The following OCRL variants were observed in gnomAD, a reference collection of about 807,000 sequenced individuals.
OCRL encodes the protein OCRL inositol polyphosphate-5-phosphatase, also known as inositol polyphosphate 5-phosphatase OCRL.
OCRL carries 8 observed loss-of-function variants against 78.9 expected under a neutral mutation model. The observed-to-expected ratio is 0.10, with a 90% CI of 0.06 to 0.18. OCRL has a LOEUF of 0.18. OCRL is among the 10% of genes least tolerant of loss of function. The probability of loss-of-function intolerance (pLI) is 1.00; values close to 1 mark genes in which losing one functional copy is unlikely to be tolerated. For missense variants in OCRL, 454 were observed against 696.7 expected (o/e 0.65, Z 3.92); for synonymous variants, 240 against 235.4 (o/e 1.02, Z -0.18).
intron 3 of OCRL, 40 bp downstream of exon 3, chrX:129,545,077 T>C (rs1439003574): frequency 1.4e-6 from 1 of 726,232 alleles, no homozygotes; most frequent in Non-Finnish European, 2.2e-6. Context: ...ATAATGTTTT[T>C]TCTCGGTCAT....
intron 12 of OCRL, among the ~76,000 whole-genome samples, chrX:129,563,001 G>A (rs1357217839): frequency 8.9e-6 from 1 of 111,941 alleles, no homozygotes; most frequent in African/African-American, 3.2e-5. Context: ...TATTAGTGGG[G>A]CACCTAGAAT....
intron 4 of OCRL, among the ~76,000 whole-genome samples, chrX:129,552,852 G>A (rs1935984428): frequency 8.9e-6 from 1 of 112,661 alleles, no homozygotes; most frequent in South Asian, 3.6e-4. Context: ...AAGAGATGAT[G>A]TGATTGTGTG....
chrX:129,559,210 T>G (rs1187465735), intron 8 of OCRL, among the ~76,000 whole-genome samples: 1 of 111,665 alleles, frequency 9.0e-6, no homozygotes, highest in Admixed American at 9.5e-5. Context: ...TTTTCTTTTT[T>G]TGTGTGTGTG....
At position 129,590,153 on chromosome X, in the gene OCRL, C is replaced by T; in HGVS notation, c.2589C>T (p.Leu863=). Residue 863 remains leucine, a synonymous_variant, in exon 24 of 24, where the codon CTC becomes CTT. Coordinates refer to ENST00000371113, the MANE Select transcript of OCRL (RefSeq NM_000276.4). Reference sequence around the variant, plus strand: ...CTTTCTCTCGTCTTGTAGCTACTCTCTTCACTAGTCTTCTCCTGAGGCCTC... The same window carrying T: ...CTTTCTCTCGTCTTGTAGCTACTCTTTTCACTAGTCTTCTCCTGAGGCCTC... The part of the protein sequence containing the change: ...NSVNANMIAT[L]FTSLLLRPPP... 1.7e-6 allele frequency: 2 copies of T among 1,211,480 alleles called. No individual in the cohort carries two copies. Among genetic ancestry groups the T allele is most frequent in the Non-Finnish European group, 2.2e-6 (2 of 895,392 alleles).
At chrX:129,549,074 G>A (rs1034698810) in intron 4 of OCRL, among the ~76,000 whole-genome samples, 1 of 110,466 alleles carries the variant, frequency 9.1e-6, no homozygotes, top group Non-Finnish European at 1.9e-5. Flanking sequence ...AGGCTGAAGA[G>A]TCCCTTAAAT....
chrX:129,562,147 G>A (rs1936154461), intron 10 of OCRL, among the ~76,000 whole-genome samples: 1 of 111,711 alleles, frequency 9.0e-6, no homozygotes, highest in Non-Finnish European at 1.9e-5. Flanking sequence ...AATAGATCTA[G>A]AGCTGAAAGT....
chrX:129,570,016 T>A (rs1203994038), intron 15 of OCRL, among the ~76,000 whole-genome samples: 1 of 110,148 alleles, frequency 9.1e-6, no homozygotes, highest in Non-Finnish European at 1.9e-5. Context: ...GCGAATTTTT[T>A]TTTAACTCTG....
chrX:129,547,412 C>A (rs1488226142), intron 3 of OCRL, among the ~76,000 whole-genome samples: 1 of 107,126 alleles, frequency 9.3e-6, no homozygotes, highest in Non-Finnish European at 1.9e-5. Flanking sequence ...GTAGTCCCAA[C>A]TACTCGGGAG....
chrX:129,589,134 T>C, intron 22 of OCRL, 121 bp downstream of exon 22: 2 of 772,234 alleles, frequency 2.6e-6, no homozygotes, highest in Non-Finnish European at 2.0e-6. Context: ...CTGTTATTAA[T>C]GGCAGGACAC....
At chrX:129,557,280 A>G in intron 4 of OCRL, 45 bp from the exon 5 acceptor site, 3 of 1,078,681 alleles carry the variant, frequency 2.8e-6, no homozygotes, top group South Asian at 3.7e-5. Context: ...CCAGTAAAAC[A>G]TTTTATCCCA....
intron 3 of OCRL, among the ~76,000 whole-genome samples, chrX:129,547,438 T>C (rs1020155962): frequency 9.9e-6 from 1 of 101,521 alleles, no homozygotes; most frequent in African/African-American, 3.7e-5. Flanking sequence ...GGCAGGAGAA[T>C]GGTGTGAACC....
At chrX:129,574,219 C>T (rs1045643504) in intron 15 of OCRL, among the ~76,000 whole-genome samples, 1 of 112,158 alleles carries the variant, frequency 8.9e-6, no homozygotes, top group African/African-American at 3.2e-5. Flanking sequence ...TTTTTAGAAC[C>T]TTTGCTGCAT....
At chrX:129,540,585 G>T in intron 1 of OCRL, 107 bp downstream of exon 1, 1 of 922,022 alleles carries the variant, frequency 1.1e-6, no homozygotes, top group African/African-American at 2.0e-5. Flanking sequence ...CCCAGAGGCC[G>T]AGCAGAGAGG....
intron 10 of OCRL, 70 bp from the exon 11 acceptor site, chrX:129,562,314 C>T (rs940048099): frequency 6.2e-6 from 5 of 812,570 alleles, no homozygotes; most frequent in African/African-American, 4.1e-5. Context: ...GAAAATTAGT[C>T]GTGGGACATT....
intron 4 of OCRL, chrX:129,549,844 T>G (rs369162755): frequency 5.8e-4 from 65 of 112,541 alleles, no homozygotes; most frequent in African/African-American, 2.0e-3. Context: ...ATTAGTTTTG[T>G]TGTGGCCGCT....
Position 129,585,267 on chromosome X carries a change from C to T in OCRL, c.2139+900C>T, listed in dbSNP as rs777654535. 8.9e-5 allele frequency among the ~76,000 whole-genome samples: 10 copies of T among 112,152 alleles called. No individual in the cohort carries two copies. The East Asian group carries it at 2.5e-3, about 28-fold the overall frequency. On this transcript the variant is annotated intron_variant, in intron 19 of 23. Coordinates refer to ENST00000371113, the MANE Select transcript of OCRL (RefSeq NM_000276.4). ...GGATGGTGTATATAATCTACTGACA[C>T]TTTATTAACCTTTTTAAACCACCAA...
At position 129,557,938 on chromosome X, in the gene OCRL, T is replaced by C. The variant is rs1431502624; in HGVS notation, c.427T>C (p.Ser143Pro). 11 of 1,180,765 alleles carry C rather than the reference T, an allele frequency of 9.3e-6. No homozygotes were observed. The highest frequency in any genetic ancestry group is 2.2e-5 in the Admixed American group (1 of 46,028). The change falls in exon 6 of 24, where the codon TCT (serine) becomes CCT (proline). Residue 143 changes from serine to proline, a missense_variant. Ser to Pro is a moderately conservative substitution (Grantham distance 74). This residue lies in a region of OCRL where 177 missense variants were observed against 179.6 expected (regional missense o/e 0.99). Transcript: ENST00000371113. ...YQKLDTKDKP[S>P]VFSGLLGFED... ...GAAATTAGACACTAAGGACAAACCT[T>C]CTGTTTTTTCAGGTACTAAAAAGTT...
intron 1 of OCRL, 25 bp from the exon 2 acceptor site, chrX:129,540,719 G>A: frequency 8.4e-7 from 1 of 1,186,700 alleles, no homozygotes; most frequent in Non-Finnish European, 1.1e-6. Context: ...CGCTTCCGAA[G>A]GAGACCCTTG....
At chrX:129,578,341 G>A (rs991000550) in intron 18 of OCRL, among the ~76,000 whole-genome samples, 5 of 110,631 alleles carry the variant, frequency 4.5e-5, no homozygotes, top group Non-Finnish European at 9.5e-5. Flanking sequence ...TATTGGAGTA[G>A]TACAGTTCCT....
Sources: allele counts gnomAD v4.1 joint callset (sites outside exome capture counted in the v4.1 genomes callset), GRCh38; gene constraint gnomAD v4.1.1; regional missense constraint gnomAD v4.1.1; transcripts MANE v1.5; gene names NCBI Gene and HGNC (gene_info 2026-07-23, HGNC 2026-07-21).